FAM185A: variants seen among roughly 807,000 people sequenced by gnomAD.
FAM185A encodes the protein family with sequence similarity 185 member A.
Under a neutral mutation model 45.7 loss-of-function variants are expected in FAM185A, and 21 were observed. The ratio of observed to expected loss-of-function variants is 0.46; its 90% CI spans 0.33 to 0.66. FAM185A has a LOEUF of 0.66. FAM185A is among the 30% of genes least tolerant of loss of function. The pLI is 0.03. For synonymous variants in FAM185A, 117 were observed against 194.0 expected, an observed-to-expected ratio of 0.60 and a Z score of 3.30; for missense variants, 305 against 485.4, an observed-to-expected ratio of 0.63 and a Z score of 3.49.
At chr7:102,844,606 C>T in the FAM185A span, among the ~76,000 whole-genome samples, 3 of 152,154 alleles carry the variant, frequency 2.0e-5, no homozygotes, top group African/African-American at 7.2e-5. Flanking sequence ...AGTCACACCA[C>T]TCTCAATACT....
At chr7:102,760,949 T>TA (rs1794075754) in intron 3 of FAM185A, among the ~76,000 whole-genome samples, 1 of 152,220 alleles carries the variant, frequency 6.6e-6, no homozygotes, top group Non-Finnish European at 1.5e-5. Context: ...TTTTAAAAGA[T>TA]ACCTTGTACA....
chr7:102,821,206 T>C, the FAM185A span, among the ~76,000 whole-genome samples: 2 of 152,096 alleles, frequency 1.3e-5, no homozygotes, highest in African/African-American at 4.8e-5. Context: ...ATCAGAGTTA[T>C]CTCCAGACCT....
intron 3 of FAM185A, among the ~76,000 whole-genome samples, chr7:102,760,718 T>C (rs1306390871): frequency 6.6e-6 from 1 of 152,044 alleles, no homozygotes; most frequent in Admixed American, 6.6e-5. Flanking sequence ...ACTGTTGAAT[T>C]GCGGGCCTGA....
In FAM185A at chr7:102,751,742, G is replaced by A; in HGVS notation, c.502G>A (p.Glu168Lys). 1 of 1,551,580 alleles carries A rather than the reference G, an allele frequency of 6.4e-7. No homozygotes were observed. Among genetic ancestry groups the A allele is most frequent in the Non-Finnish European group, 8.7e-7 (1 of 1,146,796 alleles). Reference sequence around the variant, plus strand: ...TGGCTGTGTAAAAGTTCAAAGTATTGAGGGTGATAATTGCAAAATTGAAAC... The same window carrying A: ...TGGCTGTGTAAAAGTTCAAAGTATTAAGGGTGATAATTGCAAAATTGAAAC... Reference protein sequence around the residue: ...GSGCVKVQSIEGDNCKIETEH... With the variant: ...GSGCVKVQSIKGDNCKIETEH... Residue 168 changes from glutamate (E) to lysine (K), a missense_variant, in exon 2 of 8, where the codon GAG (glutamate) becomes AAG (lysine). This residue lies in a region of FAM185A where 174 missense variants were observed against 247.1 expected (regional missense o/e 0.70). Coordinates refer to ENST00000413034, the MANE Select transcript of FAM185A (RefSeq NM_001145268.2).
the FAM185A span, among the ~76,000 whole-genome samples, chr7:102,849,279 G>T: frequency 6.6e-6 from 1 of 152,180 alleles, no homozygotes; most frequent in Admixed American, 6.5e-5. Context: ...AATGTCTGTT[G>T]TTCTCAGAAA....
At chr7:102,753,178 G>A (rs1001967785) in intron 2 of FAM185A, among the ~76,000 whole-genome samples, 7 of 152,018 alleles carry the variant, frequency 4.6e-5, no homozygotes, top group African/African-American at 1.7e-4. Context: ...GACTAGGTGA[G>A]GATATCATAA....
At chr7:102,830,668 A>G in the FAM185A span, among the ~76,000 whole-genome samples, 3 of 152,204 alleles carry the variant, frequency 2.0e-5, no homozygotes, top group African/African-American at 7.2e-5. Context: ...TTAGCTAACC[A>G]TACAAACCAA....
chr7:102,785,143 A>C (rs2129440959), intron 6 of FAM185A, among the ~76,000 whole-genome samples: 1 of 152,318 alleles, frequency 6.6e-6, no homozygotes, highest in African/African-American at 2.4e-5. Flanking sequence ...GACCTTTTCA[A>C]GGAGAACTAC....
chr7:102,750,379 A>T (rs925456502), intron 1 of FAM185A, among the ~76,000 whole-genome samples: 1 of 152,230 alleles, frequency 6.6e-6, no homozygotes, highest in Non-Finnish European at 1.5e-5. Context: ...AATAGCATTT[A>T]GCATTTTTAA....
At position 102,751,730 on chromosome 7, in the gene FAM185A, G is replaced by A. The variant is rs1327818896; in HGVS notation, c.490G>A (p.Val164Ile). The change falls in exon 2 of 8, where the codon GTT becomes ATT. Residue 164 changes from valine to isoleucine, a missense_variant. Transcript: ENST00000413034. Reference protein sequence around the residue: ...IKSSGSGCVKVQSIEGDNCKI... With the variant: ...IKSSGSGCVKIQSIEGDNCKI... ...GTCATCAGGGTCTGGCTGTGTAAAA[G>A]TTCAAAGTATTGAGGGTGATAATTG... 2.6e-6 allele frequency: 4 copies of A among 1,551,388 alleles called. No individual in the cohort carries two copies. Among genetic ancestry groups the A allele is most frequent in the Non-Finnish European group, 3.5e-6 (4 of 1,146,780 alleles).
At chr7:102,806,677 G>A (rs1457088850) in intron 7 of FAM185A, among the ~76,000 whole-genome samples, 1 of 152,236 alleles carries the variant, frequency 6.6e-6, no homozygotes, top group African/African-American at 2.4e-5. Flanking sequence ...TGGAACTCCA[G>A]AGGAGATATA....
the FAM185A span, among the ~76,000 whole-genome samples, chr7:102,826,769 A>ATATATG: frequency 5.6e-3 from 561 of 100,680 alleles, 39 homozygotes; most frequent in Middle Eastern, 0.016. Flanking sequence ...ATATATATAT[A>ATATATG]TATGTATATA....
At chr7:102,767,133 G>GCTT in intron 4 of FAM185A, among the ~76,000 whole-genome samples, 1 of 51,086 alleles carries the variant, frequency 2.0e-5, no homozygotes, top group African/African-American at 6.8e-5. Flanking sequence ...AAGAATTACA[G>GCTT]CTTTTTTTTT....
At chr7:102,829,042 G>A in the FAM185A span, among the ~76,000 whole-genome samples, 1 of 152,274 alleles carries the variant, frequency 6.6e-6, no homozygotes, top group African/African-American at 2.4e-5. Flanking sequence ...CTCTGTTCCA[G>A]TTCCCCCTAG....
chr7:102,826,755 ATATATATATATATATATG>A, the FAM185A span, among the ~76,000 whole-genome samples: 1 of 114,734 alleles, frequency 8.7e-6, no homozygotes, highest in Non-Finnish European at 1.8e-5. Context: ...ATATATATAT[ATATATATATATATATATG>A]TATATATATC....
the FAM185A span, among the ~76,000 whole-genome samples, chr7:102,829,034 C>G: frequency 6.6e-6 from 1 of 152,214 alleles, no homozygotes; most frequent in African/African-American, 2.4e-5. Context: ...CAGCCAGGCT[C>G]TGTTCCAGTT....
downstream of FAM185A, among the ~76,000 whole-genome samples, chr7:102,813,051 C>T (rs1797543387): frequency 6.6e-6 from 1 of 152,060 alleles, no homozygotes; most frequent in Non-Finnish European, 1.5e-5. Context: ...CCATGTTGGC[C>T]AGGCTGGTCT....
At chr7:102,828,015 G>A in the FAM185A span, among the ~76,000 whole-genome samples, 94 of 152,140 alleles carry the variant, frequency 6.2e-4, no homozygotes, top group Non-Finnish European at 9.1e-4. Context: ...GTCAGGTAGC[G>A]TGATGCCTCC....
chr7:102,822,415 T>C, the FAM185A span: 5 of 670,734 alleles, frequency 7.5e-6, no homozygotes, highest in Non-Finnish European at 1.4e-5. Context: ...TCCCTCCTTA[T>C]TTGCAGATGC....
Sources: gnomAD v4.1 joint callset for allele counts (sites outside exome capture counted in the v4.1 genomes callset) on GRCh38, gnomAD v4.1.1 for gene constraint, gnomAD v4.1.1 regional missense constraint, MANE v1.5 for transcripts, NCBI Gene and HGNC (gene_info 2026-07-23, HGNC 2026-07-21) for gene names.